LRMDA: variants seen among roughly 807,000 people sequenced by gnomAD.
LRMDA encodes the protein leucine rich melanocyte differentiation associated.
LRMDA carries 18 observed loss-of-function variants against 29.8 expected under a neutral mutation model. The observed-to-expected ratio is 0.60, with a 90% CI of 0.42 to 0.90. LRMDA has a LOEUF of 0.90. Among genes scored for constraint, LRMDA ranks in the 40% least tolerant of loss-of-function variants. LRMDA has a pLI of 0.00. For missense variants in LRMDA, 273 were observed against 273.9 expected (o/e 1.00, Z 0.02); for synonymous variants, 125 against 109.4 (o/e 1.14, Z -0.89).
rs141921042 is a variant in LRMDA at position 76,006,307 on chromosome 10, CAGA to C, written c.132-29698_132-29696del. Among the ~76,000 whole-genome samples, 1,436 of 152,216 alleles carry C rather than the reference CAGA, an allele frequency of 9.4e-3. 21 individuals carry two copies. The highest frequency in any genetic ancestry group is 0.033 in the African/African-American group (1,380 of 41,534). The stretch of plus-strand genomic sequence containing the variant: ...GAGGAGTGAGGGTTTGAACTGAGTT[CAGA>C]AGGAGAGTCAGCCTGAGCTCCGCTG... On this transcript the variant is annotated intron_variant, in intron 2 of 6. Coordinates refer to ENST00000611255, the MANE Select transcript of LRMDA (RefSeq NM_001305581.2).
At chr10:76,055,368 T>G (rs1187388741) in intron 4 of LRMDA, among the ~76,000 whole-genome samples, 1 of 152,208 alleles carries the variant, frequency 6.6e-6, no homozygotes, top group Non-Finnish European at 1.5e-5. Flanking sequence ...TGCAGACCTC[T>G]AAACTATTCT....
rs1264040890 is a variant in LRMDA, at chr10:76,074,531, T to A, written c.516+15748T>A. 3.3e-5 allele frequency among the ~76,000 whole-genome samples: 5 copies of A among 152,178 alleles called. No homozygotes were observed. In the East Asian group the frequency reaches 9.6e-4, roughly 29 times the overall value. ...TGTTTAAATAAGAAAGGGACCATTA[T>A]CATCTACAGCTTCCACCCCCCTCCC... On this transcript the variant is annotated intron_variant, in intron 5 of 6. Coordinates refer to ENST00000611255, the MANE Select transcript of LRMDA (RefSeq NM_001305581.2).
chr10:76,014,451 C>T (rs1847849886), intron 2 of LRMDA, among the ~76,000 whole-genome samples: 1 of 152,000 alleles, frequency 6.6e-6, no homozygotes, highest in African/African-American at 2.4e-5. Context: ...CTTGCTCTCA[C>T]ATCCTCACTT....
chr10:76,161,939 C>T (rs1850654443), intron 5 of LRMDA, among the ~76,000 whole-genome samples: 1 of 152,182 alleles, frequency 6.6e-6, no homozygotes, highest in Non-Finnish European at 1.5e-5. Flanking sequence ...ATAGAGCAAA[C>T]TTTTTTAGGG....
intron 2 of LRMDA, among the ~76,000 whole-genome samples, chr10:75,838,609 T>C (rs1378604060): frequency 2.6e-5 from 4 of 152,190 alleles, no homozygotes; most frequent in Non-Finnish European, 4.4e-5. Flanking sequence ...TGTCTGAGTT[T>C]ATGATAATGT....
intron 2 of LRMDA, among the ~76,000 whole-genome samples, chr10:75,695,668 T>C (rs1348523909): frequency 6.6e-6 from 1 of 152,214 alleles, no homozygotes; most frequent in Non-Finnish European, 1.5e-5. Flanking sequence ...CACTTGGTTT[T>C]GTGGGCAAAG....
chr10:76,292,684 CTT>C (rs1292961117), intron 5 of LRMDA, among the ~76,000 whole-genome samples: 1 of 151,882 alleles, frequency 6.6e-6, no homozygotes, highest in South Asian at 2.1e-4. Flanking sequence ...CTTTATGACT[CTT>C]TATGCACACG....
intron 2 of LRMDA, among the ~76,000 whole-genome samples, chr10:75,814,246 G>A (rs756220517): frequency 2.6e-5 from 4 of 152,136 alleles, no homozygotes; most frequent in Non-Finnish European, 5.9e-5. Flanking sequence ...ATTCTTCATA[G>A]GCATGAGTCA....
intron 2 of LRMDA, among the ~76,000 whole-genome samples, chr10:75,659,663 G>T (rs1265981200): frequency 1.3e-5 from 2 of 152,202 alleles, no homozygotes; most frequent in Non-Finnish European, 2.9e-5. Flanking sequence ...GCAACTGTTG[G>T]TCAAAGGATA....
At chr10:76,365,281 A>G (rs561596217) in intron 6 of LRMDA, among the ~76,000 whole-genome samples, 1 of 151,850 alleles carries the variant, frequency 6.6e-6, no homozygotes, top group East Asian at 1.9e-4. Flanking sequence ...GGGTTGCTGG[A>G]TCAAATGGTA....
chr10:75,654,598 A>G (rs546953740), intron 2 of LRMDA, among the ~76,000 whole-genome samples: 2 of 152,256 alleles, frequency 1.3e-5, no homozygotes, highest in African/African-American at 4.8e-5. Flanking sequence ...ATTTCCTGGC[A>G]TGAAGATTTG....
intron 6 of LRMDA, among the ~76,000 whole-genome samples, chr10:76,518,612 A>T (rs955116625): frequency 6.6e-6 from 1 of 152,312 alleles, no homozygotes; most frequent in African/African-American, 2.4e-5. Flanking sequence ...TATGTCAATT[A>T]TAAGAGATCT....
chr10:76,251,921 C>T (rs545570354), intron 5 of LRMDA, among the ~76,000 whole-genome samples: 4 of 152,274 alleles, frequency 2.6e-5, no homozygotes, highest in South Asian at 2.1e-4. Flanking sequence ...CCTGGTTCCC[C>T]GGCACTAGAA....
At chr10:75,699,684 G>A (rs547685890) in intron 2 of LRMDA, among the ~76,000 whole-genome samples, 2 of 152,282 alleles carry the variant, frequency 1.3e-5, no homozygotes, top group East Asian at 1.9e-4. Flanking sequence ...TCTTCCATAC[G>A]TACTGTGGTA....
At chr10:75,692,222 ATATAT>A (rs1564541570) in intron 2 of LRMDA, among the ~76,000 whole-genome samples, 1,393 of 31,216 alleles carry the variant, frequency 0.045, 21 homozygotes, top group African/African-American at 0.11. Context: ...AAAAAAAAAT[ATATAT>A]ATATATATAT....
intron 2 of LRMDA, chr10:75,742,976 T>C: frequency 6.6e-6 from 1 of 151,968 alleles, no homozygotes; most frequent in East Asian, 1.9e-4. Context: ...TGGAGTGGGG[T>C]CTTGAAAATT....
At chr10:75,485,566 TTG>T (rs572396511) in intron 2 of LRMDA, among the ~76,000 whole-genome samples, 23 of 150,998 alleles carry the variant, frequency 1.5e-4, no homozygotes, top group Admixed American at 6.6e-5. Flanking sequence ...CCAGCTAATT[TTG>T]TGTGTGTGTG....
intron 5 of LRMDA, among the ~76,000 whole-genome samples, chr10:76,213,226 C>T (rs866627124): frequency 6.6e-6 from 1 of 152,156 alleles, no homozygotes; most frequent in Non-Finnish European, 1.5e-5. Flanking sequence ...GACCAGTGTT[C>T]GTTACTGGAG....
In LRMDA at chr10:76,354,520, C is replaced by G. The variant is rs146903605; in HGVS notation, c.601+30035C>G. Reference sequence around the variant, plus strand: ...TGACTTATACATCAAATCCCATAACCCATTGCTGAAATACAATCTTCTGTT... The same window carrying G: ...TGACTTATACATCAAATCCCATAACGCATTGCTGAAATACAATCTTCTGTT... On this transcript the variant is annotated intron_variant, in intron 6 of 6. Transcript: ENST00000611255. Among the ~76,000 whole-genome samples the G allele has an allele frequency of 2.8e-3, 428 of 152,218 alleles. 1 individual carries two copies. Among genetic ancestry groups the G allele is most frequent in the African/African-American group, 9.8e-3 (405 of 41,532 alleles).
Sources: allele counts gnomAD v4.1 joint callset (sites outside exome capture counted in the v4.1 genomes callset), GRCh38; gene constraint gnomAD v4.1.1; transcripts MANE v1.5; gene names NCBI Gene and HGNC (gene_info 2026-07-23, HGNC 2026-07-21).